The following SMC5 variants were observed in gnomAD, a reference collection of about 807,000 sequenced individuals.
SMC5 encodes the protein structural maintenance of chromosomes 5, also known as structural maintenance of chromosomes protein 5.
Under a neutral mutation model 148.3 loss-of-function variants are expected in SMC5, and 88 were observed. The ratio of observed to expected loss-of-function variants is 0.59; its 90% CI spans 0.50 to 0.71. SMC5 has a LOEUF of 0.71. Among genes scored for constraint, SMC5 ranks in the 30% least tolerant of loss-of-function variants. The pLI is 0.00. For synonymous variants in SMC5, 421 were observed against 432.8 expected (o/e 0.97, Z 0.34); for missense variants, 1,142 against 1,298.9 (o/e 0.88, Z 1.86).
intron 24 of SMC5, among the ~76,000 whole-genome samples, chr9:70,351,094 G>A (rs2036792764): frequency 6.6e-6 from 1 of 152,086 alleles, no homozygotes; most frequent in Non-Finnish European, 1.5e-5. Flanking sequence ...GCTCATACCT[G>A]TAGTCCCACT....
At chr9:70,328,272 A>G (rs1329484861) in intron 17 of SMC5, among the ~76,000 whole-genome samples, 2 of 152,134 alleles carry the variant, frequency 1.3e-5, no homozygotes, top group Non-Finnish European at 2.9e-5. Context: ...CATTAACTCA[A>G]AAGTCCAAGT....
At chr9:70,268,924 C>T (rs997223375) in intron 3 of SMC5, among the ~76,000 whole-genome samples, 4 of 152,232 alleles carry the variant, frequency 2.6e-5, no homozygotes, top group Middle Eastern at 3.4e-3. Context: ...ACCAGTTGAC[C>T]ATCCTTGGTA....
Position 70,350,476 on chromosome 9 carries a change from G to GT in SMC5, c.3165+6dup, listed in dbSNP as rs752773417. The GT allele has an allele frequency of 8.9e-6, 14 of 1,569,288 alleles. No homozygotes were observed. Among genetic ancestry groups the GT allele is most frequent in the Non-Finnish European group, 1.0e-5 (12 of 1,158,902 alleles). On this transcript the variant is annotated splice_donor_region_variant and intron_variant, in intron 24 of 24. Coordinates refer to ENST00000361138, the MANE Select transcript of SMC5 (RefSeq NM_015110.4). ...TACTTTTTCATAACACCAAAGGTAG[G>GT]TAAAAAGTAACCTAAAAGTGGTCAT... is the stretch of plus-strand genomic sequence containing the variant.
intron 22 of SMC5, among the ~76,000 whole-genome samples, chr9:70,348,845 C>A (rs2036732980): frequency 6.6e-6 from 1 of 151,832 alleles, no homozygotes; most frequent in Non-Finnish European, 1.5e-5. Flanking sequence ...TATGCCTAAT[C>A]CCACTTTGGG....
intron 15 of SMC5, among the ~76,000 whole-genome samples, chr9:70,321,747 G>A (rs1266921990): frequency 1.3e-5 from 2 of 152,104 alleles, no homozygotes; most frequent in Non-Finnish European, 2.9e-5. Flanking sequence ...TTCTCAGAAC[G>A]ATTGTAACTT....
chr9:70,275,039 A>G (rs1319507799), intron 3 of SMC5, among the ~76,000 whole-genome samples: 2 of 152,054 alleles, frequency 1.3e-5, no homozygotes, highest in Admixed American at 6.6e-5. Context: ...CTTTCTGCCA[A>G]AAGGATATTT....
At chr9:70,308,328 G>T (rs972060789) in intron 11 of SMC5, among the ~76,000 whole-genome samples, 2 of 151,936 alleles carry the variant, frequency 1.3e-5, no homozygotes, top group Non-Finnish European at 2.9e-5. Context: ...ATCTGTGGCC[G>T]GGCGCGGTGG....
Position 70,282,499 on chromosome 9 carries a change from TAAAG to T in SMC5, c.900_903del (p.Glu301GlyfsTer5), listed in dbSNP as rs1265666659. The stretch of plus-strand genomic sequence containing the variant: ...GAGTGAAGGAAGAGGTCAGAAAACT[TAAAG>T]AAGGGCAGATTCCTGTAACATGTCG... On this transcript the variant is annotated frameshift_variant, in exon 7 of 25. Coordinates refer to ENST00000361138, the MANE Select transcript of SMC5 (RefSeq NM_015110.4). LOFTEE classifies it high-confidence loss of function. 2 of 1,608,556 alleles carry T rather than the reference TAAAG, an allele frequency of 1.2e-6. No individual in the cohort carries two copies. The highest frequency in any genetic ancestry group is 1.3e-5 in the African/African-American group (1 of 74,662).
rs572270480 is a variant in SMC5, at chr9:70,312,642, G to T, written c.1579-2100G>T. Among the ~76,000 whole-genome samples, 63 of 152,264 alleles carry T rather than the reference G, an allele frequency of 4.1e-4. No individual in the cohort carries two copies. In the Middle Eastern group the frequency reaches 0.017, roughly 41 times the overall value. On this transcript the variant is annotated intron_variant, in intron 11 of 24. Transcript: ENST00000361138. ...TTTACTGAGAATTTTTATTGTAAAT[G>T]GATGTCAAGTTTTTTCAGATGGTTT...
intron 13 of SMC5, 73 bp from the exon 14 acceptor site, chr9:70,318,441 T>C: frequency 1.6e-6 from 2 of 1,219,110 alleles, no homozygotes; most frequent in East Asian, 2.6e-5. Flanking sequence ...TCACTTGGTC[T>C]GTATTTCTAA....
chr9:70,275,554 TCTCTTTTTCTC>T, intron 3 of SMC5, among the ~76,000 whole-genome samples: 1 of 152,156 alleles, frequency 6.6e-6, no homozygotes, highest in African/African-American at 2.4e-5. Context: ...TAGTAATCAT[TCTCTTTTTCTC>T]ATTGTTTTCT....
rs781230457 is a variant in SMC5 at position 70,335,043 on chromosome 9, T to A, written c.2398-9101T>A. On this transcript the variant is annotated intron_variant, in intron 17 of 24. Transcript: ENST00000361138. ...GAATTTGGAGCAACTGGAACTGTCA[T>A]ACGCCACTGGTGGGAATTTAAAATG... 2.2e-4 allele frequency among the ~76,000 whole-genome samples: 33 copies of A among 152,364 alleles called. No individual in the cohort carries two copies. In the Middle Eastern group the frequency reaches 0.01, roughly 47 times the overall value.
intron 10 of SMC5, among the ~76,000 whole-genome samples, chr9:70,301,722 T>C (rs2035362213): frequency 6.6e-6 from 1 of 152,220 alleles, no homozygotes; most frequent in Non-Finnish European, 1.5e-5. Context: ...TTAAATAAGT[T>C]ACTTTATATC....
intron 17 of SMC5, among the ~76,000 whole-genome samples, chr9:70,342,342 A>G (rs2036550886): frequency 6.6e-6 from 1 of 151,686 alleles, no homozygotes; most frequent in Non-Finnish European, 1.5e-5. Flanking sequence ...ATACATATGT[A>G]ACTAACCTGC....
intron 3 of SMC5, among the ~76,000 whole-genome samples, chr9:70,270,549 G>C (rs76742954): frequency 0.069 from 10,475 of 151,770 alleles, 578 homozygotes; most frequent in East Asian, 0.22. Context: ...AGCCCAACAA[G>C]AGTTGCCTCA....
chr9:70,280,673 G>C, intron 5 of SMC5, 86 bp from the exon 6 acceptor site: 1 of 1,243,348 alleles, frequency 8.0e-7, no homozygotes, highest in Non-Finnish European at 1.1e-6. Flanking sequence ...GTGAAATTTT[G>C]CCATCGTTTA....
chr9:70,260,343 G>A (rs2034081500), intron 1 of SMC5, among the ~76,000 whole-genome samples: 2 of 152,186 alleles, frequency 1.3e-5, no homozygotes. Context: ...TTGACCTCAG[G>A]TGATCTGCCC....
intron 6 of SMC5, 116 bp from the exon 7 acceptor site, chr9:70,282,306 G>A (rs1319583702): frequency 9.1e-7 from 1 of 1,093,780 alleles, no homozygotes; most frequent in Non-Finnish European, 1.3e-6. Flanking sequence ...TAATAAACCT[G>A]TTTTGATATC....
chr9:70,326,296 A>G (rs2036073116), intron 17 of SMC5, among the ~76,000 whole-genome samples: 5 of 152,166 alleles, frequency 3.3e-5, no homozygotes, highest in Admixed American at 3.3e-4. Flanking sequence ...ATAGCTCTGT[A>G]AATTTGCTAA....
Sources: gnomAD v4.1 joint callset for allele counts (sites outside exome capture counted in the v4.1 genomes callset) on GRCh38, gnomAD v4.1.1 for gene constraint, MANE v1.5 for transcripts, NCBI Gene and HGNC (gene_info 2026-07-23, HGNC 2026-07-21) for gene names.